The following CDCA7L variants were observed in gnomAD, a reference collection of about 807,000 sequenced individuals.
The protein encoded by CDCA7L is cell division cycle-associated 7-like protein.
CDCA7L carries 44 observed loss-of-function variants against 57.4 expected under a neutral mutation model. The observed-to-expected ratio is 0.77, with a 90% confidence interval of 0.60 to 0.98. The LOEUF is 0.98. Among genes scored for constraint, CDCA7L ranks in the 50% least tolerant of loss-of-function variants. CDCA7L has a pLI of 0.00. For missense variants in CDCA7L, 644 were observed against 580.6 expected (o/e 1.11, Z -1.12); for synonymous variants, 236 against 202.8 (o/e 1.16, Z -1.39).
intron 7 of CDCA7L, 118 bp from the exon 8 acceptor site, chr7:21,904,377 A>AGCAGGACTGTTT: frequency 9.5e-7 from 1 of 1,049,678 alleles, no homozygotes; most frequent in Non-Finnish European, 1.3e-6. Flanking sequence ...CCTCGAATCA[A>AGCAGGACTGTTT]GCAGGACTGT....
chr7:21,916,984 A>C, intron 1 of CDCA7L, 90 bp from the exon 2 acceptor site: 1 of 1,436,334 alleles, frequency 7.0e-7, no homozygotes, highest in South Asian at 1.2e-5. Flanking sequence ...AGATCTCATC[A>C]CTTCATCCAA....
intron 2 of CDCA7L, among the ~76,000 whole-genome samples, chr7:21,912,116 G>C (rs4645484): frequency 2.6e-5 from 4 of 151,908 alleles, no homozygotes; most frequent in Admixed American, 6.6e-5. Context: ...ACAAAAATTA[G>C]CTGGGTCTGG....
chr7:21,931,171 G>T (rs758640521), intron 1 of CDCA7L, among the ~76,000 whole-genome samples: 1 of 152,198 alleles, frequency 6.6e-6, no homozygotes, highest in African/African-American at 2.4e-5. Flanking sequence ...GGACCAGACA[G>T]ATTTACAGCC....
intron 1 of CDCA7L, among the ~76,000 whole-genome samples, chr7:21,937,531 G>A (rs186274529): frequency 9.9e-5 from 15 of 152,014 alleles, no homozygotes; most frequent in Middle Eastern, 3.4e-3. Flanking sequence ...CCGGCTACTC[G>A]GGAGGCTGAG....
At chr7:21,902,914 AG>A in intron 9 of CDCA7L, 63 bp downstream of exon 9, 1 of 1,527,220 alleles carries the variant, frequency 6.5e-7, no homozygotes, top group Non-Finnish European at 9.0e-7. Context: ...ACTTGCCCAG[AG>A]GGTCTCCTGT....
chr7:21,922,916 G>A (rs547989874), intron 1 of CDCA7L, among the ~76,000 whole-genome samples: 16 of 152,294 alleles, frequency 1.1e-4, no homozygotes, highest in Middle Eastern at 6.8e-3. Flanking sequence ...ACCCAGTCTC[G>A]ATAAAACCAA....
intron 1 of CDCA7L, among the ~76,000 whole-genome samples, chr7:21,943,587 C>T (rs1465609362): frequency 1.3e-5 from 2 of 152,246 alleles, no homozygotes; most frequent in East Asian, 3.9e-4. Flanking sequence ...TCCGCAGTCA[C>T]CTGCCCACCC....
Position 21,908,249 on chromosome 7 carries a change from G to A in CDCA7L, c.562C>T (p.Gln188Ter), listed in dbSNP as rs778114786. The A allele has an allele frequency of 6.2e-7, 1 of 1,613,504 alleles. No homozygotes were observed. The highest frequency in any genetic ancestry group is 1.3e-5 in the African/African-American group (1 of 74,850). ...GTAGAATCTTCCCTTTGTATCACCT[G>A]TCTACAGTCTTTCTTTCTTTCAAGA... ...TILERKKDCR[Q>*]VIQREDSTSE... is the part of the protein sequence containing the mutation. Residue 188 changes from glutamine to a stop codon, truncating the protein, a stop_gained, in exon 4 of 10, where the codon CAG becomes TAG. Coordinates refer to ENST00000406877, the MANE Select transcript of CDCA7L (RefSeq NM_018719.5). LOFTEE classifies it high-confidence loss of function.
At position 21,916,766 on chromosome 7, in the gene CDCA7L, C is replaced by A; in HGVS notation, c.153G>T (p.Glu51Asp). The A allele has an allele frequency of 1.2e-6, 2 of 1,614,040 alleles. No individual in the cohort carries two copies. Among genetic ancestry groups the A allele is most frequent in the Non-Finnish European group, 1.7e-6 (2 of 1,179,954 alleles). ...GAATCATCCATACCTGTTTCCCTGA[C>A]TCTAGTGAGTCAAAACTATCGCAGC... ...EESCDSFDSL[E>D]SGKQQDVRFH... Residue 51 changes from glutamate to aspartate, a missense_variant, in exon 2 of 10, where the codon GAG becomes GAT. Coordinates refer to ENST00000406877, the MANE Select transcript of CDCA7L (RefSeq NM_018719.5).
At chr7:21,941,465 G>A (rs1786337658) in intron 1 of CDCA7L, among the ~76,000 whole-genome samples, 1 of 152,206 alleles carries the variant, frequency 6.6e-6, no homozygotes, top group Non-Finnish European at 1.5e-5. Context: ...GTGGTTCAGT[G>A]CAGCTTACGG....
At chr7:21,906,506 A>C in intron 5 of CDCA7L, 50 bp from the exon 6 acceptor site, 1 of 1,611,680 alleles carries the variant, frequency 6.2e-7, no homozygotes, top group African/African-American at 1.3e-5. Context: ...CTCGAATAAA[A>C]GCCGTCTGGT....
intron 1 of CDCA7L, among the ~76,000 whole-genome samples, chr7:21,935,398 G>A (rs1197248002): frequency 6.6e-6 from 1 of 152,098 alleles, no homozygotes; most frequent in African/African-American, 2.4e-5. Context: ...GCACTGCTAA[G>A]AGGTAAATTT....
intron 4 of CDCA7L, 137 bp from the exon 5 acceptor site, chr7:21,906,776 T>C (rs928372167): frequency 8.1e-6 from 6 of 740,110 alleles, no homozygotes; most frequent in Admixed American, 2.4e-5. Context: ...ACAACAGTTA[T>C]ACTTTTAACC....
intron 1 of CDCA7L, among the ~76,000 whole-genome samples, chr7:21,922,472 C>T (rs1785681617): frequency 6.6e-6 from 1 of 152,168 alleles, no homozygotes; most frequent in African/African-American, 2.4e-5. Context: ...TGACCTCCAA[C>T]ATTCCCAGAG....
rs577218237 is a variant in CDCA7L, at chr7:21,907,947, C to T, written c.681+183G>A. 2.5e-3 allele frequency among the ~76,000 whole-genome samples: 379 copies of T among 152,314 alleles called. 2 individuals carry two copies. Among genetic ancestry groups the T allele is most frequent in the Non-Finnish European group, 4.4e-3 (301 of 68,022 alleles). The stretch of plus-strand genomic sequence containing the variant: ...ATCTCTTTCTGTTCCCAAACCAGAG[C>T]TGATCATGTAATAGTTGCTCTGGGT... On this transcript the variant is annotated intron_variant, in intron 4 of 9. Transcript: ENST00000406877.
rs777657303 is a variant in CDCA7L, at chr7:21,916,771, G to C, written c.148C>G (p.Leu50Val). ...SEESCDSFDS[L>V]ESGKQQDVRF... is the part of the protein sequence containing the mutation. ...ATCCATACCTGTTTCCCTGACTCTA[G>C]TGAGTCAAAACTATCGCAGCTCTCC... The change falls in exon 2 of 10, where the codon CTA becomes GTA. Residue 50 changes from leucine (L) to valine (V), a missense_variant. Transcript: ENST00000406877. The C allele has an allele frequency of 1.7e-5, 28 of 1,613,648 alleles. No individual in the cohort carries two copies. In the East Asian group the frequency reaches 5.8e-4, roughly 33 times the overall value.
intron 1 of CDCA7L, among the ~76,000 whole-genome samples, chr7:21,930,226 CT>C (rs1785962979): frequency 6.6e-6 from 1 of 152,080 alleles, no homozygotes; most frequent in Admixed American, 6.5e-5. Flanking sequence ...TACAGGGTAA[CT>C]AACGAAATCA....
Position 21,908,326 on chromosome 7 carries a change from G to C in CDCA7L, c.485C>G (p.Ser162Cys). ...KLANKPDKNS[S>C]SEQLFSSARL... is the part of the protein sequence containing the mutation. ...TGCGCTAGAAAACAACTGCTCGGAA[G>C]AACTGTTTTTATCTGGTTTGTTGGC... Residue 162 changes from serine to cysteine, a missense_variant, in exon 4 of 10, where the codon TCT becomes TGT. By Grantham distance (112) the Ser-to-Cys change is moderately radical (BLOSUM62 -1). Coordinates refer to ENST00000406877, the MANE Select transcript of CDCA7L (RefSeq NM_018719.5). 1 of 1,608,884 alleles carries C rather than the reference G, an allele frequency of 6.2e-7. No homozygotes were observed. Among genetic ancestry groups the C allele is most frequent in the Non-Finnish European group, 8.5e-7 (1 of 1,178,738 alleles).
rs189020825 is a variant in CDCA7L at position 21,901,797 on chromosome 7, G to A, written c.*525C>T. 6.1e-6 allele frequency: 1 copy of A among 163,688 alleles called. No individual in the cohort carries two copies. Among genetic ancestry groups the A allele is most frequent in the East Asian group, 1.6e-4 (1 of 6,080 alleles). The allele number at this position is 163,688 out of a possible 1,614,324, so 10.1% of individuals were successfully genotyped here. ...TCTACAATGTTGATGGTCCCCTTTTGTTCAGTCAAGTTTTAATAAAAATAA... is the reference window on the plus strand; with the variant it reads ...TCTACAATGTTGATGGTCCCCTTTTATTCAGTCAAGTTTTAATAAAAATAA... On this transcript the variant is annotated 3_prime_UTR_variant, in exon 10 of 10. Transcript: ENST00000406877.
Sources: gnomAD v4.1 joint callset for allele counts (sites outside exome capture counted in the v4.1 genomes callset) on GRCh38, gnomAD v4.1.1 for gene constraint, MANE v1.5 for transcripts, NCBI Gene and HGNC (gene_info 2026-07-23, HGNC 2026-07-21) for gene names.